The following RNF220 variants were observed in gnomAD, a reference collection of about 807,000 sequenced individuals.
The protein encoded by RNF220 is ring finger protein 220, also known as E3 ubiquitin-protein ligase RNF220.
A neutral mutation model predicts 67.1 loss-of-function variants in RNF220; 7 were observed. That is an observed-to-expected ratio of 0.10 (90% confidence interval 0.06 to 0.20). The LOEUF (loss-of-function observed/expected upper bound fraction) is 0.20, where lower values mean the gene tolerates loss of function less well. RNF220 is among the 10% of genes least tolerant of loss of function. The pLI is 1.00. For synonymous variants in RNF220, 270 were observed against 283.2 expected (o/e 0.95, Z 0.47); for missense variants, 565 against 740.3 (o/e 0.76, Z 2.75).
intron 2 of RNF220, among the ~76,000 whole-genome samples, chr1:44,580,882 C>T (rs1441996247): frequency 4.6e-5 from 7 of 152,228 alleles, no homozygotes; most frequent in Non-Finnish European, 1.0e-4. Context: ...AGTGGCATGC[C>T]TAGGGCCTGT....
intron 2 of RNF220, among the ~76,000 whole-genome samples, chr1:44,499,808 A>G (rs1657669044): frequency 6.6e-6 from 1 of 151,906 alleles, no homozygotes; most frequent in Non-Finnish European, 1.5e-5. Flanking sequence ...CCAAAACTGA[A>G]CTCCTTATTC....
chr1:44,614,928 C>T (rs910729450), intron 3 of RNF220, among the ~76,000 whole-genome samples: 1 of 152,174 alleles, frequency 6.6e-6, no homozygotes, highest in Non-Finnish European at 1.5e-5. Flanking sequence ...TCATTGTGCT[C>T]GTGGAATCTG....
chr1:44,589,271 T>C (rs1167463089), intron 2 of RNF220, among the ~76,000 whole-genome samples: 2 of 152,198 alleles, frequency 1.3e-5, no homozygotes, highest in East Asian at 1.9e-4. Context: ...CAAGTCACCA[T>C]GTTTCCCTGA....
intron 2 of RNF220, chr1:44,573,002 G>A: frequency 2.4e-6 from 1 of 412,930 alleles, no homozygotes; most frequent in South Asian, 1.8e-5. Flanking sequence ...GGCCCTCAAA[G>A]AAGAAAGCAC....
chr1:44,468,464 T>C (rs745332527), intron 2 of RNF220, among the ~76,000 whole-genome samples: 1 of 152,204 alleles, frequency 6.6e-6, no homozygotes, highest in Non-Finnish European at 1.5e-5. Context: ...GCTATATATA[T>C]AAGTTATTGC....
chr1:44,595,693 C>A (rs560245638), intron 2 of RNF220, among the ~76,000 whole-genome samples: 3 of 152,298 alleles, frequency 2.0e-5, no homozygotes, highest in African/African-American at 7.2e-5. Context: ...TCCATTCCAA[C>A]CAGCATCAAG....
At chr1:44,498,978 G>C (rs1489400193) in intron 2 of RNF220, among the ~76,000 whole-genome samples, 4 of 152,202 alleles carry the variant, frequency 2.6e-5, no homozygotes, top group Admixed American at 2.6e-4. Flanking sequence ...GTCATTACCA[G>C]TAATTATACC....
intron 2 of RNF220, among the ~76,000 whole-genome samples, chr1:44,568,297 C>A (rs1459059449): frequency 1.3e-5 from 2 of 152,240 alleles, no homozygotes; most frequent in Non-Finnish European, 2.9e-5. Context: ...TCTGCTCCAG[C>A]CACACTGGCC....
rs114323589 is a variant in RNF220, at chr1:44,573,429, C to G, written c.626-40736C>G. Among the ~76,000 whole-genome samples, 466 of 152,224 alleles carry G rather than the reference C, an allele frequency of 3.1e-3. 4 individuals carry two copies. The highest frequency in any genetic ancestry group is 0.01 in the African/African-American group (435 of 41,512). ...CTGAGCTATCAGTCCATGAGGACAC[C>G]GGGCTAGAAAGAAGAGAAGAGACCA... On this transcript the variant is annotated intron_variant, in intron 2 of 14. Coordinates refer to ENST00000361799, the MANE Select transcript of RNF220 (RefSeq NM_018150.4).
At chr1:44,501,523 G>GCTAAA (rs1491397792) in intron 2 of RNF220, among the ~76,000 whole-genome samples, 1 of 152,048 alleles carries the variant, frequency 6.6e-6, no homozygotes, top group African/African-American at 2.4e-5. Context: ...GAGGAAGGCT[G>GCTAAA]GGCAGAGAAG....
At chr1:44,632,189 G>A in intron 5 of RNF220, 154 bp from the exon 6 acceptor site, 2 of 1,583,536 alleles carry the variant, frequency 1.3e-6, no homozygotes, top group Non-Finnish European at 1.7e-6. Context: ...AGGAGCAGAG[G>A]GGCCGGCGGG....
In RNF220 at chr1:44,621,853, T is replaced by C. The variant is rs149703666; in HGVS notation, c.759-889T>C. ...AGGGACCCTATGTGAATGGGCTGTG[T>C]CTGCCTCCGTGCATTCATCAGCCAG... is the stretch of plus-strand genomic sequence containing the variant. On this transcript the variant is annotated intron_variant, in intron 3 of 14. Coordinates refer to ENST00000361799, the MANE Select transcript of RNF220 (RefSeq NM_018150.4). This position sits in a 1 kb window ranked among gnomAD's most constrained non-coding sequence, Gnocchi z 4.8. Among the ~76,000 whole-genome samples, 1 of 152,356 alleles carries C rather than the reference T, an allele frequency of 6.6e-6. No homozygotes were observed. Among genetic ancestry groups the C allele is most frequent in the East Asian group, 1.9e-4 (1 of 5,188 alleles).
chr1:44,509,427 G>T (rs905722525), intron 2 of RNF220, among the ~76,000 whole-genome samples: 1 of 151,998 alleles, frequency 6.6e-6, no homozygotes, highest in African/African-American at 2.4e-5. Context: ...GTGGGCGCCT[G>T]TAGTCCCAGC....
rs146270988 is a variant in RNF220, at chr1:44,412,097, G to C, written c.-1G>C. Reference sequence around the variant, plus strand: ...AACGCCGGCCACAGAAAGAGACTCCGATGGACTTACACCGGGCAGCCTTCA... The same window carrying C: ...AACGCCGGCCACAGAAAGAGACTCCCATGGACTTACACCGGGCAGCCTTCA... On this transcript the variant is annotated 5_prime_UTR_variant, in exon 2 of 15. Coordinates refer to ENST00000361799, the MANE Select transcript of RNF220 (RefSeq NM_018150.4). The surrounding 1 kb of genome is among the most constrained non-coding windows in gnomAD (Gnocchi z 5.3). 2.5e-6 allele frequency: 4 copies of C among 1,604,724 alleles called. No individual in the cohort carries two copies. The South Asian group carries it at 4.4e-5, about 18-fold the overall frequency.
intron 2 of RNF220, among the ~76,000 whole-genome samples, chr1:44,465,285 C>G (rs942149981): frequency 6.6e-6 from 1 of 152,002 alleles, no homozygotes; most frequent in African/African-American, 2.4e-5. Context: ...ATTCTTCCTC[C>G]CATAGTCACA....
In RNF220 at chr1:44,428,703, C is replaced by T. The variant is rs990597110; in HGVS notation, c.625+15981C>T. 2.6e-5 allele frequency among the ~76,000 whole-genome samples: 4 copies of T among 152,206 alleles called. No individual in the cohort carries two copies. The South Asian group carries it at 6.2e-4, about 24-fold the overall frequency. On this transcript the variant is annotated intron_variant, in intron 2 of 14. Transcript: ENST00000361799. The stretch of plus-strand genomic sequence containing the variant: ...ATCCTTGTGTTCTTTCTAAGTAGCT[C>T]GGCCATAATATCACTTTTCTTTAGC...
chr1:44,514,347 C>T (rs1379576907), intron 2 of RNF220, among the ~76,000 whole-genome samples: 1 of 152,228 alleles, frequency 6.6e-6, no homozygotes, highest in African/African-American at 2.4e-5. Flanking sequence ...ATCAGACTTT[C>T]GTCTAACTAG....
intron 6 of RNF220, 132 bp downstream of exon 6, chr1:44,632,517 C>T: frequency 3.4e-6 from 3 of 888,384 alleles, no homozygotes; most frequent in Non-Finnish European, 5.4e-6. Flanking sequence ...GTCACGGCGC[C>T]TGAGTATGTG....
In RNF220 at chr1:44,635,565, C is replaced by A. The variant is rs775421926; in HGVS notation, c.970C>A (p.Arg324=). Residue 324 remains arginine, a synonymous_variant, in exon 7 of 15, where the codon CGG becomes AGG. Coordinates refer to ENST00000361799, the MANE Select transcript of RNF220 (RefSeq NM_018150.4). ...RLNARIGKMK[R]RKQDEGQREG... is the part of the protein sequence containing the mutation. ...TGCAGCTCGGATTGGGAAAATGAAA[C>A]GGAGGAAGCAAGATGAAGGGCAGGT... is the stretch of plus-strand genomic sequence containing the variant. The A allele has an allele frequency of 6.2e-7, 1 of 1,614,078 alleles. No individual in the cohort carries two copies. The highest frequency in any genetic ancestry group is 1.7e-4 in the Middle Eastern group (1 of 6,058).
Sources: gnomAD v4.1 joint callset for allele counts (sites outside exome capture counted in the v4.1 genomes callset) on GRCh38, gnomAD v4.1.1 for gene constraint, Gnocchi (gnomAD v3.1) non-coding constraint, MANE v1.5 for transcripts, NCBI Gene and HGNC (gene_info 2026-07-23, HGNC 2026-07-21) for gene names.